Variants in ABCA13 observed in about 807,000 individuals in gnomAD.
ABCA13 encodes the protein ATP binding cassette subfamily A member 13.
ABCA13 carries 476 observed loss-of-function variants against 478.7 expected under a neutral mutation model. That is an observed-to-expected ratio of 0.99 (90% CI 0.92 to 1.07). ABCA13 has a LOEUF of 1.07. ABCA13 is among the 50% of genes least tolerant of loss of function. The pLI, the probability that ABCA13 is intolerant of heterozygous loss-of-function variation, is 0.00. For missense variants in ABCA13, 6,060 were observed against 5,910.6 expected, an observed-to-expected ratio of 1.03 and a Z score of -0.83; for synonymous variants, 2,252 against 2,158.9, an observed-to-expected ratio of 1.04 and a Z score of -1.20.
At chr7:48,613,252 A>C (rs1381489862) in intron 58 of ABCA13, among the ~76,000 whole-genome samples, 2 of 151,732 alleles carry the variant, frequency 1.3e-5, no homozygotes, top group African/African-American at 2.4e-5. Context: ...GCAGTGGCAA[A>C]ATCTCGGCTC....
At chr7:48,175,982 T>A (rs1794819081) in intron 1 of ABCA13, among the ~76,000 whole-genome samples, 1 of 152,220 alleles carries the variant, frequency 6.6e-6, no homozygotes, top group African/African-American at 2.4e-5. Flanking sequence ...GGTTCTCCCA[T>A]GTTTTAATAT....
intron 27 of ABCA13, among the ~76,000 whole-genome samples, chr7:48,317,668 G>A (rs149275679): frequency 2.6e-5 from 4 of 152,314 alleles, no homozygotes; most frequent in East Asian, 3.9e-4. Flanking sequence ...CAACAATTAC[G>A]AAAGAATCAG....
intron 20 of ABCA13, among the ~76,000 whole-genome samples, chr7:48,293,998 T>C (rs1465809445): frequency 6.6e-6 from 1 of 152,208 alleles, no homozygotes; most frequent in Non-Finnish European, 1.5e-5. Flanking sequence ...CCACCTCACA[T>C]AGGAATAGCC....
At position 48,273,328 on chromosome 7, in the gene ABCA13, A is replaced by G. The variant is rs1265939753; in HGVS notation, c.3662A>G (p.Asp1221Gly). ...TTTAAAAATGTAACTCAAGCCAATG[A>G]CTTCCATAATTGGGAGGACTTCCTG... Reference protein sequence around the residue: ...NLFKNVTQANDFHNWEDFLDL... With the variant: ...NLFKNVTQANGFHNWEDFLDL... Residue 1221 changes from aspartate (D) to glycine (G), a missense_variant, in exon 17 of 62, where the codon GAC becomes GGC. Physicochemically the swap from Asp to Gly is moderately conservative, Grantham distance 94 (BLOSUM62 -1). Around this residue, in one of 3 missense-constraint regions of ABCA13, gnomAD observed 4,423 missense variants for 4,309.1 expected, o/e 1.03. Coordinates refer to ENST00000435803, the MANE Select transcript of ABCA13 (RefSeq NM_152701.5). The G allele has an allele frequency of 6.2e-7, 1 of 1,613,404 alleles. No homozygotes were observed. Among genetic ancestry groups the G allele is most frequent in the African/African-American group, 1.3e-5 (1 of 74,760 alleles).
At position 48,279,382 on chromosome 7, in the gene ABCA13, GA is replaced by G. The variant is rs767870710; in HGVS notation, c.8191del (p.Ile2731Ter). On this transcript the variant is annotated frameshift_variant, in exon 18 of 62. Coordinates refer to ENST00000435803, the MANE Select transcript of ABCA13 (RefSeq NM_152701.5). LOFTEE classifies it high-confidence loss of function. ...LDKILSQNSTEIGSFLKMVIC... is the reference protein window; with the variant it reads ...LDKILSQNSTXIGSFLKMVIC... ...TAAAATATTATCACAAAACAGCACA[GA>G]AATAGGATCTTTCTTGAAAATGGTG... 6.3e-7 allele frequency: 1 copy of G among 1,596,390 alleles called. No homozygotes were observed. The highest frequency in any genetic ancestry group is 1.1e-5 in the South Asian group (1 of 88,836).
intron 3 of ABCA13, 87 bp from the exon 4 acceptor site, chr7:48,219,267 G>GT (rs1478196716): frequency 1.7e-5 from 24 of 1,411,468 alleles, no homozygotes; most frequent in Non-Finnish European, 1.0e-5. Context: ...TTAATTGAAA[G>GT]CAATTTGGTA....
At chr7:48,496,049 C>T (rs760903547) in intron 48 of ABCA13, among the ~76,000 whole-genome samples, 3 of 152,058 alleles carry the variant, frequency 2.0e-5, no homozygotes, top group Non-Finnish European at 4.4e-5. Flanking sequence ...TTTTAAGCTG[C>T]ACTGCCTATC....
intron 48 of ABCA13, among the ~76,000 whole-genome samples, chr7:48,500,950 G>A (rs1830688768): frequency 6.6e-6 from 1 of 152,132 alleles, no homozygotes; most frequent in African/African-American, 2.4e-5. Flanking sequence ...AGACTGCTGC[G>A]GCATAATGGG....
intron 40 of ABCA13, 136 bp downstream of exon 40, chr7:48,410,813 T>TGGCCCCA: frequency 7.8e-7 from 1 of 1,283,840 alleles, no homozygotes; most frequent in Non-Finnish European, 1.1e-6. Context: ...CCAAAATAAG[T>TGGCCCCA]GGCCCCAGGC....
intron 41 of ABCA13, among the ~76,000 whole-genome samples, chr7:48,421,325 C>T (rs966055444): frequency 3.9e-5 from 6 of 152,068 alleles, no homozygotes; most frequent in Admixed American, 6.5e-5. Flanking sequence ...TGCCAAGTGG[C>T]GATTTTTCTA....
At chr7:48,374,860 C>T (rs901978236) in intron 34 of ABCA13, among the ~76,000 whole-genome samples, 2 of 152,206 alleles carry the variant, frequency 1.3e-5, no homozygotes, top group Non-Finnish European at 2.9e-5. Context: ...GAAGCTTTGT[C>T]TGTATTTACA....
At chr7:48,448,986 G>T (rs1824645523) in intron 42 of ABCA13, among the ~76,000 whole-genome samples, 1 of 152,048 alleles carries the variant, frequency 6.6e-6, no homozygotes, top group Non-Finnish European at 1.5e-5. Flanking sequence ...GGGATTACAG[G>T]CACCCACAAC....
chr7:48,605,216 T>C (rs908574374), intron 58 of ABCA13, among the ~76,000 whole-genome samples: 4 of 152,218 alleles, frequency 2.6e-5, no homozygotes, highest in East Asian at 1.9e-4. Context: ...TTGGGGCACG[T>C]AGCCCATTTA....
At chr7:48,269,212 C>G in intron 16 of ABCA13, 118 bp downstream of exon 16, 2 of 607,746 alleles carry the variant, frequency 3.3e-6, no homozygotes, top group South Asian at 2.2e-5. Context: ...GATATTGACA[C>G]AATCTTTCAT....
intron 31 of ABCA13, among the ~76,000 whole-genome samples, chr7:48,363,840 G>A (rs937654695): frequency 6.6e-6 from 1 of 151,968 alleles, no homozygotes; most frequent in East Asian, 1.9e-4. Context: ...TGATTGTGCT[G>A]TGTGGTGTTT....
intron 39 of ABCA13, among the ~76,000 whole-genome samples, chr7:48,410,127 CTT>C (rs1467263182): frequency 7.0e-6 from 1 of 143,238 alleles, no homozygotes; most frequent in Non-Finnish European, 1.5e-5. Flanking sequence ...AGGAAGAGGA[CTT>C]TAGTATCTGA....
At chr7:48,193,145 T>A in intron 2 of ABCA13, 93 bp downstream of exon 2, 4 of 859,418 alleles carry the variant, frequency 4.7e-6, no homozygotes, top group Non-Finnish European at 7.2e-6. Flanking sequence ...CTCTGAATGC[T>A]GAGTGAAATG....
At chr7:48,174,101 C>T (rs1048813206) in intron 1 of ABCA13, among the ~76,000 whole-genome samples, 27 of 152,226 alleles carry the variant, frequency 1.8e-4, no homozygotes, top group Non-Finnish European at 7.3e-5. Flanking sequence ...TTTTTCACAG[C>T]ATTCTCCCAT....
rs191271185 is a variant in ABCA13, at chr7:48,523,230, G to A, written c.14052-1018G>A. On this transcript the variant is annotated intron_variant, in intron 53 of 61. Coordinates refer to ENST00000435803, the MANE Select transcript of ABCA13 (RefSeq NM_152701.5). Reference sequence around the variant, plus strand: ...TGTAAGATAGAATTCTGAGTATCTAGCTATATTTTTCTCATCGTCTATGTT... The same window carrying A: ...TGTAAGATAGAATTCTGAGTATCTAACTATATTTTTCTCATCGTCTATGTT... Among the ~76,000 whole-genome samples, 644 of 152,118 alleles carry A rather than the reference G, an allele frequency of 4.2e-3. 4 individuals carry two copies. The highest frequency in any genetic ancestry group is 4.6e-3 in the Non-Finnish European group (314 of 67,998).
Sources: allele counts gnomAD v4.1 joint callset (sites outside exome capture counted in the v4.1 genomes callset), GRCh38; gene constraint gnomAD v4.1.1; regional missense constraint gnomAD v4.1.1; transcripts MANE v1.5; gene names NCBI Gene and HGNC (gene_info 2026-07-23, HGNC 2026-07-21).